Variants in KLKB1 observed in about 807,000 individuals in gnomAD.
KLKB1 encodes kallikrein B1.
Under a neutral mutation model 73.6 loss-of-function variants are expected in KLKB1, and 58 were observed. The observed-to-expected ratio is 0.79, with a 90% confidence interval of 0.64 to 0.98. The LOEUF is 0.98. Ranked by LOEUF, KLKB1 falls within the 50% of genes least tolerant of loss-of-function variation. The pLI, the probability that KLKB1 is intolerant of heterozygous loss-of-function variation, is 0.00. For synonymous variants in KLKB1, 280 were observed against 258.1 expected, an observed-to-expected ratio of 1.08 and a Z score of -0.81; for missense variants, 737 against 763.8, an observed-to-expected ratio of 0.96 and a Z score of 0.41.
At position 186,228,240 on chromosome 4, in the gene KLKB1, T is replaced by A. The variant is rs1737238092; in HGVS notation, c.45T>A (p.Ala15=). The change falls in exon 2 of 15, where the codon GCT becomes GCA. Residue 15 remains alanine, a synonymous_variant. Transcript: ENST00000264690. ...KQATYFISLF[A]TVSCGCLTQL... ...CAACTTATTTCATTTCCTTGTTTGCTACAGTTTCCTGTGGTAAGTGAATTA... is the reference window on the plus strand; with the variant it reads ...CAACTTATTTCATTTCCTTGTTTGCAACAGTTTCCTGTGGTAAGTGAATTA... 1.9e-6 allele frequency: 3 copies of A among 1,596,368 alleles called. No individual in the cohort carries two copies. The South Asian group carries it at 3.3e-5, about 18-fold the overall frequency.
rs1738374549 is a variant in KLKB1 at position 186,246,697 on chromosome 4, AAG to A, written c.599-3541_599-3540del. Among the ~76,000 whole-genome samples, 6 of 152,152 alleles carry A rather than the reference AAG, an allele frequency of 3.9e-5. No homozygotes were observed. In the South Asian group the frequency reaches 1.2e-3, roughly 32 times the overall value. ...TAGTGAAGGAGGCAAGCCCAGAGAA[AAG>A]AGAGGGTAGAGACATGGAGAGAAGG... On this transcript the variant is annotated intron_variant, in intron 6 of 14. Coordinates refer to ENST00000264690, the MANE Select transcript of KLKB1 (RefSeq NM_000892.5).
intron 2 of KLKB1, among the ~76,000 whole-genome samples, chr4:186,216,972 A>G (rs767023765): frequency 1.1e-4 from 16 of 152,226 alleles, no homozygotes; most frequent in Non-Finnish European, 1.6e-4. Context: ...CTCATGTAAC[A>G]TAATCATGGG....
rs753364551 is a variant in KLKB1 at position 186,252,150 on chromosome 4, C to T, written c.1278C>T (p.His426=). The change falls in exon 11 of 15, where the codon CAC becomes CAT. Residue 426 remains histidine (H), a synonymous_variant. Transcript: ENST00000264690. ...RHLCGGSLIG[H]QWVLTAAHCF... ...TGTGTGGAGGGTCACTCATAGGACA[C>T]CAGTGGGTCCTCACTGCTGCCCACT... 6.2e-7 allele frequency: 1 copy of T among 1,613,886 alleles called. No individual in the cohort carries two copies. Among genetic ancestry groups the T allele is most frequent in the African/African-American group, 1.3e-5 (1 of 75,052 alleles).
chr4:186,215,099 T>A (rs1392572927), intron 2 of KLKB1, among the ~76,000 whole-genome samples: 1 of 152,234 alleles, frequency 6.6e-6, no homozygotes, highest in African/African-American at 2.4e-5. Flanking sequence ...CTTTGTTCCT[T>A]CAGTAAGGGT....
intron 2 of KLKB1, among the ~76,000 whole-genome samples, chr4:186,231,082 G>C (rs1417000076): frequency 6.6e-6 from 1 of 152,140 alleles, no homozygotes; most frequent in Admixed American, 6.5e-5. Context: ...AAATCCCCAG[G>C]GGGTAGGATA....
At chr4:186,251,443 T>C (rs1465405433) in intron 8 of KLKB1, 44 bp from the exon 9 acceptor site, 1 of 1,595,912 alleles carries the variant, frequency 6.3e-7, no homozygotes, top group South Asian at 1.1e-5. Flanking sequence ...TGTCGTTCAT[T>C]GCTTTTCCCA....
At chr4:186,239,893 C>G in intron 6 of KLKB1, among the ~76,000 whole-genome samples, 1 of 143,002 alleles carries the variant, frequency 7.0e-6, no homozygotes, top group East Asian at 2.1e-4. Context: ...GAAACTAGTA[C>G]GGTGATACTG....
At chr4:186,241,109 G>T (rs376656239) in intron 6 of KLKB1, among the ~76,000 whole-genome samples, 1 of 152,134 alleles carries the variant, frequency 6.6e-6, no homozygotes, top group East Asian at 1.9e-4. Context: ...TGCTAAGGGC[G>T]TGGCTTTTCA....
chr4:186,257,263 T>C lies in KLKB1; in HGVS notation c.1623T>C (p.Pro541=). 5 of 1,600,118 alleles carry C rather than the reference T, an allele frequency of 3.1e-6. No homozygotes were observed. Among genetic ancestry groups the C allele is most frequent in the Non-Finnish European group, 3.4e-6 (4 of 1,171,198 alleles). Residue 541 remains proline, a synonymous_variant, in exon 14 of 15, where the codon CCT becomes CCC. Coordinates refer to ENST00000264690, the MANE Select transcript of KLKB1 (RefSeq NM_000892.5). The part of the protein sequence containing the change: ...IQNILQKVNI[P]LVTNEECQKR... The stretch of plus-strand genomic sequence containing the variant: ...ATATTCTACAAAAGGTAAATATTCC[T>C]TTGGTAACAAATGAAGAATGCCAGA...
intron 12 of KLKB1, among the ~76,000 whole-genome samples, chr4:186,255,691 G>A (rs933104600): frequency 6.6e-6 from 1 of 152,194 alleles, no homozygotes; most frequent in Non-Finnish European, 1.5e-5. Context: ...ACCCTGCTAT[G>A]ACTATTAAGG....
At chr4:186,229,191 G>A (rs965177288) in intron 2 of KLKB1, among the ~76,000 whole-genome samples, 4 of 152,100 alleles carry the variant, frequency 2.6e-5, no homozygotes, top group African/African-American at 9.7e-5. Flanking sequence ...ACTACAGGGG[G>A]TTTTTCATTT....
At chr4:186,240,188 G>A (rs1173811065) in intron 6 of KLKB1, among the ~76,000 whole-genome samples, 1 of 151,700 alleles carries the variant, frequency 6.6e-6, no homozygotes, top group Non-Finnish European at 1.5e-5. Flanking sequence ...TATAGTTAAA[G>A]GTACAGTGAT....
At chr4:186,224,578 C>A (rs1283091256), upstream of KLKB1, among the ~76,000 whole-genome samples, 1 of 152,224 alleles carries the variant, frequency 6.6e-6, no homozygotes, top group East Asian at 1.9e-4. Flanking sequence ...TTATTTTGGC[C>A]AATTTCTCCC....
chr4:186,223,573 A>C (rs1737077192), upstream of KLKB1, among the ~76,000 whole-genome samples: 1 of 152,186 alleles, frequency 6.6e-6, no homozygotes, highest in Admixed American at 6.5e-5. Flanking sequence ...TGAACTTGAG[A>C]GAGATGATTT....
At chr4:186,240,140 A>T (rs1365833111) in intron 6 of KLKB1, among the ~76,000 whole-genome samples, 1 of 151,950 alleles carries the variant, frequency 6.6e-6, no homozygotes, top group Non-Finnish European at 1.5e-5. Context: ...TGTTATAGTT[A>T]TAGGACAGTG....
intron 5 of KLKB1, 124 bp from the exon 6 acceptor site, chr4:186,238,132 C>T (rs1246470938): frequency 2.7e-6 from 2 of 729,922 alleles, no homozygotes; most frequent in East Asian, 2.7e-5. Context: ...AATGCAGACC[C>T]CTAACCCACT....
intron 6 of KLKB1, among the ~76,000 whole-genome samples, chr4:186,243,270 A>G (rs4253363): frequency 0.024 from 3,684 of 152,234 alleles, 157 homozygotes; most frequent in African/African-American, 0.085. Context: ...AGGTTTTAAG[A>G]GGTGGGTTAG....
In KLKB1 at chr4:186,254,602, A is replaced by G; in HGVS notation, c.1328A>G (p.Asp443Gly). Residue 443 changes from aspartate to glycine, a missense_variant, in exon 12 of 15, where the codon GAT becomes GGT. Transcript: ENST00000264690. ...AHCFDGLPLQ[D>G]VWRIYSGILN... ...TTCTCTCCTAGGCTTCCCCTGCAGG[A>G]TGTTTGGCGCATCTATAGTGGCATT... 2 of 1,614,030 alleles carry G rather than the reference A, an allele frequency of 1.2e-6. No individual in the cohort carries two copies. Among genetic ancestry groups the G allele is most frequent in the Non-Finnish European group, 1.7e-6 (2 of 1,179,894 alleles).
chr4:186,242,391 T>G (rs1207141820), intron 6 of KLKB1, among the ~76,000 whole-genome samples: 1 of 151,910 alleles, frequency 6.6e-6, no homozygotes, highest in Non-Finnish European at 1.5e-5. Context: ...TGGCGAAAGT[T>G]TTTGGGGGTG....
Sources: gnomAD v4.1 joint callset for allele counts (sites outside exome capture counted in the v4.1 genomes callset) on GRCh38, gnomAD v4.1.1 for gene constraint, MANE v1.5 for transcripts, NCBI Gene and HGNC (gene_info 2026-07-23, HGNC 2026-07-21) for gene names.